The following DDX43 variants were observed in gnomAD, a reference collection of about 807,000 sequenced individuals.
DDX43 encodes DEAD-box helicase 43, also known as probable ATP-dependent RNA helicase DDX43.
DDX43 carries 50 observed loss-of-function variants against 84.9 expected under a neutral mutation model. That is an observed-to-expected ratio of 0.59 (90% CI 0.47 to 0.75). The LOEUF (loss-of-function observed/expected upper bound fraction) is 0.75, where lower values mean the gene tolerates loss of function less well. Ranked by LOEUF, DDX43 falls within the 30% of genes least tolerant of loss-of-function variation. DDX43 has a pLI of 0.00. For synonymous variants in DDX43, 291 were observed against 266.3 expected (o/e 1.09, Z -0.90); for missense variants, 689 against 798.6 (o/e 0.86, Z 1.65).
intron 10 of DDX43, among the ~76,000 whole-genome samples, chr6:73,410,623 C>CA (rs1227657950): frequency 1.3e-5 from 2 of 152,148 alleles, no homozygotes; most frequent in African/African-American, 2.4e-5. Context: ...GACAGGGTCT[C>CA]ACTCTGTCAC....
chr6:73,417,028 T>C (rs2150804705), intron 16 of DDX43, among the ~76,000 whole-genome samples, 159 bp from the exon 17 acceptor site: 2 of 152,292 alleles, frequency 1.3e-5, no homozygotes, highest in Middle Eastern at 6.8e-3. Context: ...AACAGGACGC[T>C]GTCTCCAGTT....
rs1401394266 is a variant in DDX43, at chr6:73,395,174, G to T, written c.250+19G>T. On this transcript the variant is annotated intron_variant, in intron 1 of 16. Transcript: ENST00000370336. ...GTAATCGGTGAGAATGGGAGTGGCT[G>T]GCAGGGCAGGATAGGTGGGGCCAGG... The T allele has an allele frequency of 6.3e-7, 1 of 1,592,130 alleles. No individual in the cohort carries two copies. Among genetic ancestry groups the T allele is most frequent in the Non-Finnish European group, 8.5e-7 (1 of 1,169,872 alleles).
chr6:73,408,799 G>A (rs1163803757), intron 9 of DDX43, among the ~76,000 whole-genome samples: 3 of 151,960 alleles, frequency 2.0e-5, no homozygotes, highest in East Asian at 1.9e-4. Context: ...CAGGTGATCC[G>A]CCTGCCTCGG....
At chr6:73,410,235 C>T (rs1049114633) in intron 10 of DDX43, among the ~76,000 whole-genome samples, 2 of 152,168 alleles carry the variant, frequency 1.3e-5, no homozygotes, top group South Asian at 4.1e-4. Flanking sequence ...AGCGCGATCT[C>T]GGCTAACTGC....
At chr6:73,412,500 TAGAGAG>T (rs777946438) in intron 11 of DDX43, among the ~76,000 whole-genome samples, 1 of 149,218 alleles carries the variant, frequency 6.7e-6, no homozygotes, top group Non-Finnish European at 1.5e-5. Flanking sequence ...TATATATGTA[TAGAGAG>T]AGAGAGAGAG....
chr6:73,400,248 A>G lies in DDX43; in HGVS notation c.321A>G (p.Gln107=). Reference sequence around the variant, plus strand: ...CTTGTACCTAGATAATACAAGAACAACCAGAATCATTAGTCAAAATTTTTG... The same window carrying G: ...CTTGTACCTAGATAATACAAGAACAGCCAGAATCATTAGTCAAAATTTTTG... ...TNTTIQIIQE[Q]PESLVKIFGS... Residue 107 remains glutamine, a synonymous_variant, in exon 3 of 17, where the codon CAA becomes CAG. Transcript: ENST00000370336. 7 of 1,605,728 alleles carry G rather than the reference A, an allele frequency of 4.4e-6. No homozygotes were observed. Among genetic ancestry groups the G allele is most frequent in the Non-Finnish European group, 5.9e-6 (7 of 1,177,452 alleles).
chr6:73,410,710 A>C (rs1009489263), intron 10 of DDX43, among the ~76,000 whole-genome samples: 1 of 152,148 alleles, frequency 6.6e-6, no homozygotes, highest in South Asian at 2.1e-4. Context: ...CTCCCACCTC[A>C]GCCTTCTGAG....
At chr6:73,403,478 A>G (rs1010748106) in intron 4 of DDX43, among the ~76,000 whole-genome samples, 25 of 147,976 alleles carry the variant, frequency 1.7e-4, no homozygotes, top group African/African-American at 6.2e-4. Context: ...TCAAAAAGAA[A>G]AAAGAAAAGA....
At chr6:73,400,389 C>T (rs199574627) in intron 3 of DDX43, 26 bp downstream of exon 3, 956 of 1,564,534 alleles carry the variant, frequency 6.1e-4, no homozygotes, top group Middle Eastern at 1.2e-3. Flanking sequence ...CCACTGAACC[C>T]CTTTAAAAGT....
Position 73,407,533 on chromosome 6 carries a change from A to C in DDX43, c.955A>C (p.Met319Leu). 1 of 1,613,796 alleles carries C rather than the reference A, an allele frequency of 6.2e-7. No individual in the cohort carries two copies. The highest frequency in any genetic ancestry group is 8.5e-7 in the Non-Finnish European group (1 of 1,179,688). ...SLKGQRNRPG[M>L]LVLTPTRELA... Reference sequence around the variant, plus strand: ...TAAAGGTCAAAGGAATAGACCCGGCATGTTAGTTCTAACTCCCACTCGGGA... The same window carrying C: ...TAAAGGTCAAAGGAATAGACCCGGCCTGTTAGTTCTAACTCCCACTCGGGA... The change falls in exon 8 of 17, where the codon ATG (methionine) becomes CTG (leucine). Residue 319 changes from methionine (M) to leucine (L), a missense_variant. Transcript: ENST00000370336.
chr6:73,411,139 G>A (rs1189262586), intron 10 of DDX43, among the ~76,000 whole-genome samples: 1 of 115,994 alleles, frequency 8.6e-6, no homozygotes, highest in African/African-American at 3.2e-5. Flanking sequence ...TCACGCCACT[G>A]CACTCCAACC....
At chr6:73,404,156 C>G (rs1416847915) in intron 4 of DDX43, among the ~76,000 whole-genome samples, 3 of 151,980 alleles carry the variant, frequency 2.0e-5, no homozygotes, top group Non-Finnish European at 4.4e-5. Context: ...ACTTTTGTTG[C>G]CCAGGCTGGA....
At chr6:73,398,182 C>T (rs940049061) in intron 2 of DDX43, among the ~76,000 whole-genome samples, 4 of 152,094 alleles carry the variant, frequency 2.6e-5, no homozygotes, top group Admixed American at 2.6e-4. Flanking sequence ...TCTTCATACT[C>T]CTTATTCTCA....
chr6:73,404,679 C>T lies in DDX43; in HGVS notation c.569-11C>T. The T allele has an allele frequency of 1.2e-6, 2 of 1,603,038 alleles. No homozygotes were observed. The highest frequency in any genetic ancestry group is 1.7e-6 in the Non-Finnish European group (2 of 1,174,974). On this transcript the variant is annotated splice_polypyrimidine_tract_variant and intron_variant, in intron 4 of 16. Transcript: ENST00000370336. ...AATTTATCAAAGTGTGGATTTTCGC[C>T]TTTGTCCCAGATTTACCACCAATTA... is the stretch of plus-strand genomic sequence containing the variant.
chr6:73,397,766 G>A, intron 2 of DDX43, 22 bp downstream of exon 2: 2 of 1,606,260 alleles, frequency 1.2e-6, no homozygotes, highest in Non-Finnish European at 1.7e-6. Flanking sequence ...GTGTTTTTCG[G>A]CCCTTAAGAG....
At chr6:73,395,261 G>C in intron 1 of DDX43, 106 bp downstream of exon 1, 1 of 1,360,936 alleles carries the variant, frequency 7.3e-7, no homozygotes, top group Non-Finnish European at 9.9e-7. Context: ...CTGCCACCTA[G>C]TGAGGTTCAG....
At chr6:73,411,124 C>A (rs12528133) in intron 10 of DDX43, among the ~76,000 whole-genome samples, 1 of 138,274 alleles carries the variant, frequency 7.2e-6, no homozygotes, top group African/African-American at 2.7e-5. Context: ...TGCAGTGAGC[C>A]GAGATCACGC....
rs1769583951 is a variant in DDX43 at position 73,401,965 on chromosome 6, G to GA, written c.546dup (p.Trp183MetfsTer13). On this transcript the variant is annotated frameshift_variant, in exon 4 of 17. Coordinates refer to ENST00000370336, the MANE Select transcript of DDX43 (RefSeq NM_018665.3). LOFTEE classifies it high-confidence loss of function. Reference sequence around the variant, plus strand: ...GGGATCAAATTAGAGAGGAAGGTTTGAAATGGCAAAAAACAAAGTGGGCAG... The same window carrying GA: ...GGGATCAAATTAGAGAGGAAGGTTTGAAAATGGCAAAAAACAAAGTGGGCAG... The GA allele has an allele frequency of 6.2e-7, 1 of 1,613,920 alleles. No homozygotes were observed. The highest frequency in any genetic ancestry group is 8.5e-7 in the Non-Finnish European group (1 of 1,179,996).
intron 11 of DDX43, among the ~76,000 whole-genome samples, chr6:73,412,662 TGTGTGTGC>T (rs1215826851): frequency 5.5e-4 from 48 of 86,756 alleles, no homozygotes; most frequent in African/African-American, 2.0e-3. Flanking sequence ...TGTGTGTGTG[TGTGTGTGC>T]GCGCGCGCGT....
Sources: gnomAD v4.1 joint callset for allele counts (sites outside exome capture counted in the v4.1 genomes callset) on GRCh38, gnomAD v4.1.1 for gene constraint, MANE v1.5 for transcripts, NCBI Gene and HGNC (gene_info 2026-07-23, HGNC 2026-07-21) for gene names.